The following XPOT variants were observed in gnomAD, a reference collection of about 807,000 sequenced individuals.
The protein encoded by XPOT is exportin-T.
XPOT carries 34 observed loss-of-function variants against 128.2 expected under a neutral mutation model. The observed-to-expected ratio is 0.27, with a 90% CI of 0.20 to 0.35. XPOT has a LOEUF of 0.35. XPOT is among the 10% of genes least tolerant of loss of function. The pLI is 1.00. For synonymous variants in XPOT, 348 were observed against 394.3 expected, an observed-to-expected ratio of 0.88 and a Z score of 1.39; for missense variants, 838 against 1,125.3, an observed-to-expected ratio of 0.74 and a Z score of 3.65.
intron 2 of XPOT, among the ~76,000 whole-genome samples, chr12:64,411,146 C>T (rs549766890): frequency 8.9e-4 from 135 of 152,282 alleles, no homozygotes; most frequent in Non-Finnish European, 1.7e-3. Flanking sequence ...TGGCTAATTA[C>T]AAGATACCTA....
At chr12:64,416,400 G>A (rs182162133) in intron 3 of XPOT, among the ~76,000 whole-genome samples, 3 of 152,304 alleles carry the variant, frequency 2.0e-5, no homozygotes, top group Non-Finnish European at 2.9e-5. Flanking sequence ...TTAATATCTG[G>A]AATTTAGAGG....
At chr12:64,415,648 G>T (rs1262424211) in intron 3 of XPOT, among the ~76,000 whole-genome samples, 1 of 151,954 alleles carries the variant, frequency 6.6e-6, no homozygotes, top group African/African-American at 2.4e-5. Context: ...CAAAGTGCTG[G>T]GATTACAGGC....
chr12:64,416,565 C>T (rs1024761573), intron 3 of XPOT, 133 bp from the exon 4 acceptor site: 7 of 624,208 alleles, frequency 1.1e-5, no homozygotes, highest in Non-Finnish European at 1.7e-5. Flanking sequence ...TAAAATGAGA[C>T]CAGTAAGTAT....
At chr12:64,432,558 G>A (rs1399281394) in intron 18 of XPOT, among the ~76,000 whole-genome samples, 6 of 152,092 alleles carry the variant, frequency 3.9e-5, no homozygotes, top group African/African-American at 1.4e-4. Context: ...TACTTTCTAT[G>A]TTCAAAATCT....
chr12:64,440,677 C>T (rs2040317870), intron 23 of XPOT, among the ~76,000 whole-genome samples: 1 of 152,108 alleles, frequency 6.6e-6, no homozygotes, highest in Admixed American at 6.6e-5. Context: ...GGTGATATCT[C>T]ATTGTGGTTT....
At chr12:64,434,205 T>C (rs2040263578) in intron 19 of XPOT, among the ~76,000 whole-genome samples, 1 of 152,134 alleles carries the variant, frequency 6.6e-6, no homozygotes, top group Non-Finnish European at 1.5e-5. Context: ...TCTCACCACG[T>C]TGCCCAGGCT....
intron 2 of XPOT, among the ~76,000 whole-genome samples, chr12:64,412,740 A>G (rs2136012819): frequency 6.6e-6 from 1 of 152,312 alleles, no homozygotes; most frequent in East Asian, 1.9e-4. Flanking sequence ...ACATCCCACA[A>G]GTTATGGGCT....
At chr12:64,415,839 C>T (rs2040082977) in intron 3 of XPOT, among the ~76,000 whole-genome samples, 2 of 152,092 alleles carry the variant, frequency 1.3e-5, no homozygotes, top group Admixed American at 1.3e-4. Context: ...TAGCATGGGT[C>T]TCTGTACAAT....
chr12:64,428,586 G>A (rs1445958387), intron 16 of XPOT, among the ~76,000 whole-genome samples: 4 of 151,672 alleles, frequency 2.6e-5, no homozygotes, highest in Admixed American at 2.0e-4. Flanking sequence ...AGTGCTAGTC[G>A]ATCTGAATAT....
chr12:64,425,732 T>A, intron 14 of XPOT, 83 bp from the exon 15 acceptor site: 1 of 1,357,532 alleles, frequency 7.4e-7, no homozygotes, highest in Non-Finnish European at 1.0e-6. Context: ...AAGTAAAATT[T>A]GGTGTGAACA....
chr12:64,417,036 G>A (rs2040093539), intron 4 of XPOT, among the ~76,000 whole-genome samples: 1 of 152,102 alleles, frequency 6.6e-6, no homozygotes, highest in Admixed American at 6.5e-5. Flanking sequence ...GGCCAACATG[G>A]TGAAACCCCG....
At chr12:64,424,419 G>A (rs2040170983) in intron 11 of XPOT, among the ~76,000 whole-genome samples, 180 bp from the exon 12 acceptor site, 1 of 151,950 alleles carries the variant, frequency 6.6e-6, no homozygotes, top group Non-Finnish European at 1.5e-5. Context: ...CAGGAGAACT[G>A]GATATTTACA....
Position 64,450,121 on chromosome 12 carries a change from A to G in XPOT, c.*1990A>G, listed in dbSNP as rs1199955756. 2 of 152,096 alleles carry G rather than the reference A, an allele frequency of 1.3e-5. No homozygotes were observed. The highest frequency in any genetic ancestry group is 4.8e-5 in the African/African-American group (2 of 41,420). 9.4% of individuals were successfully genotyped at this position (152,096 alleles called of 1,614,324 possible). ...GTTTATATGGATGCTATCTCATATT[A>G]GCATATATGGAATTAATAGTGTATC... On this transcript the variant is annotated 3_prime_UTR_variant, in exon 25 of 25. Coordinates refer to ENST00000332707, the MANE Select transcript of XPOT (RefSeq NM_007235.6).
chr12:64,427,597 G>C (rs1215499574), intron 15 of XPOT, among the ~76,000 whole-genome samples: 1 of 152,058 alleles, frequency 6.6e-6, no homozygotes, highest in Non-Finnish European at 1.5e-5. Flanking sequence ...CTCAGGCTCA[G>C]GTGATCTTCC....
chr12:64,413,652 TAC>T (rs1160715078), intron 2 of XPOT, among the ~76,000 whole-genome samples: 2 of 152,228 alleles, frequency 1.3e-5, no homozygotes, highest in Non-Finnish European at 1.5e-5. Context: ...CCCTCATTCA[TAC>T]AGTTACATAG....
chr12:64,407,111 C>A (rs1253785341), intron 1 of XPOT, among the ~76,000 whole-genome samples: 1 of 152,112 alleles, frequency 6.6e-6, no homozygotes, highest in East Asian at 1.9e-4. Context: ...GGATACAAAC[C>A]CAGGTCTTTG....
At position 64,421,247 on chromosome 12, in the gene XPOT, G is replaced by A. The variant is rs1482846097; in HGVS notation, c.856G>A (p.Asp286Asn). ...FFSIDQEEDV[D>N]FLARFSKLVN... ...TGATTGCTTATAGGAAGAAGATGTT[G>A]ACTTCCTGGCCAGATTTTCTAAGTT... Residue 286 changes from aspartate (D) to asparagine (N), a missense_variant, in exon 9 of 25, where the codon GAC (aspartate) becomes AAC (asparagine). Physicochemically the swap from Asp to Asn is conservative, Grantham distance 23. Transcript: ENST00000332707. 6.2e-7 allele frequency: 1 copy of A among 1,613,458 alleles called. No homozygotes were observed. Among genetic ancestry groups the A allele is most frequent in the Non-Finnish European group, 8.5e-7 (1 of 1,179,522 alleles).
chr12:64,436,486 C>T (rs977437434), intron 22 of XPOT, among the ~76,000 whole-genome samples: 1 of 151,738 alleles, frequency 6.6e-6, no homozygotes, highest in Non-Finnish European at 1.5e-5. Flanking sequence ...TATTGAACTC[C>T]TGACCTCAAG....
chr12:64,416,102 A>G (rs574893725), intron 3 of XPOT, among the ~76,000 whole-genome samples: 1 of 152,328 alleles, frequency 6.6e-6, no homozygotes, highest in African/African-American at 2.4e-5. Context: ...CCACTCCCCT[A>G]GAAAGACAGT....
Sources: gnomAD v4.1 joint callset for allele counts (sites outside exome capture counted in the v4.1 genomes callset) on GRCh38, gnomAD v4.1.1 for gene constraint, MANE v1.5 for transcripts, NCBI Gene and HGNC (gene_info 2026-07-23, HGNC 2026-07-21) for gene names.